The following TRMT10A variants were observed in gnomAD, a reference collection of about 807,000 sequenced individuals.
The protein encoded by TRMT10A is tRNA methyltransferase 10 homolog A.
A neutral mutation model predicts 40.4 loss-of-function variants in TRMT10A; 37 were observed. That is an observed-to-expected ratio of 0.92 (90% confidence interval 0.71 to 1.21). TRMT10A has a LOEUF of 1.21. Among genes scored for constraint, TRMT10A ranks in the 50% most tolerant of loss-of-function variants. TRMT10A has a pLI of 0.00. For missense variants in TRMT10A, 388 were observed against 404.3 expected (o/e 0.96, Z 0.35); for synonymous variants, 103 against 134.1 (o/e 0.77, Z 1.60).
chr4:99,557,979 T>C (rs1275788267), intron 3 of TRMT10A, 70 bp downstream of exon 3: 3 of 1,381,226 alleles, frequency 2.2e-6, no homozygotes, highest in African/African-American at 3.0e-5. Context: ...AAAAGGGATA[T>C]TGCATATTAA....
intron 7 of TRMT10A, among the ~76,000 whole-genome samples, chr4:99,549,980 G>A (rs949009490): frequency 3.9e-5 from 6 of 152,066 alleles, no homozygotes; most frequent in South Asian, 2.1e-4. Flanking sequence ...AGAAAGTAGC[G>A]CATAAAAAGT....
chr4:99,554,417 A>G (rs112576392), intron 5 of TRMT10A, among the ~76,000 whole-genome samples: 3,521 of 152,246 alleles, frequency 0.023, 106 homozygotes, highest in Middle Eastern at 0.1. Flanking sequence ...CTCCATCTAC[A>G]TGAATCATGA....
At chr4:99,555,427 C>T (rs1160287287) in intron 5 of TRMT10A, among the ~76,000 whole-genome samples, 2 of 152,266 alleles carry the variant, frequency 1.3e-5, no homozygotes, top group Non-Finnish European at 2.9e-5. Flanking sequence ...CAAGGCCAAT[C>T]TATTTAGTCA....
Position 99,549,279 on chromosome 4 carries a change from C to T in TRMT10A, c.829G>A (p.Gly277Arg), listed in dbSNP as rs781222669. Reference sequence around the variant, plus strand: ...CAGGCTTTGTCTGTGGGAACAGCTCCTTTCCGTTGGGGCAAGATAGTAAAA... The same window carrying T: ...CAGGCTTTGTCTGTGGGAACAGCTCTTTTCCGTTGGGGCAAGATAGTAAAA... ...AFFTILPQRK[G>R]AVPTDKACES... Residue 277 changes from glycine to arginine, a missense_variant, in exon 8 of 8, where the codon GGA becomes AGA. By Grantham distance (125) the Gly-to-Arg change is moderately radical (BLOSUM62 -2). Coordinates refer to ENST00000394876, the MANE Select transcript of TRMT10A (RefSeq NM_001134665.3). 1 of 1,614,144 alleles carries T rather than the reference C, an allele frequency of 6.2e-7. No individual in the cohort carries two copies. The highest frequency in any genetic ancestry group is 1.7e-5 in the Admixed American group (1 of 60,014).
Position 99,554,699 on chromosome 4 carries a change from T to C in TRMT10A, c.496-765A>G, listed in dbSNP as rs547186762. Among the ~76,000 whole-genome samples the C allele has an allele frequency of 1.8e-4, 22 of 122,652 alleles. No individual in the cohort carries two copies. The East Asian group carries it at 3.9e-3, about 22-fold the overall frequency. The allele number at this position is 122,652 out of a possible 152,430, so 80.5% of individuals were successfully genotyped here. On this transcript the variant is annotated intron_variant, in intron 5 of 7. Coordinates refer to ENST00000394876, the MANE Select transcript of TRMT10A (RefSeq NM_001134665.3). ...TTGCACCATTGCACTCCAGCCTGGGTGACAGTGCAAGCGACTACGTTTCAA... is the reference window on the plus strand; with the variant it reads ...TTGCACCATTGCACTCCAGCCTGGGCGACAGTGCAAGCGACTACGTTTCAA...
At chr4:99,563,507 C>A (rs577835319) in intron 1 of TRMT10A, 2 of 192,508 alleles carry the variant, frequency 1.0e-5, no homozygotes, top group East Asian at 1.5e-4. Context: ...CCATAACACG[C>A]TTTCCGGCCC....
Position 99,557,343 on chromosome 4 carries a change from AC to A in TRMT10A, c.420+1del. 1 of 1,612,512 alleles carries A rather than the reference AC, an allele frequency of 6.2e-7. No homozygotes were observed. Among genetic ancestry groups the A allele is most frequent in the East Asian group, 2.2e-5 (1 of 44,804 alleles). On this transcript the variant is annotated splice_donor_variant, in intron 4 of 7. Coordinates refer to ENST00000394876, the MANE Select transcript of TRMT10A (RefSeq NM_001134665.3). LOFTEE classifies it high-confidence loss of function. ...AGTCTGCTTTAAAATCTTTACACAT[AC>A]CTGCACAGGATGCAGTGCCCGTCGG... is the stretch of plus-strand genomic sequence containing the variant.
chr4:99,562,201 A>ATATATATATGTGTGTG (rs374134499), intron 1 of TRMT10A, among the ~76,000 whole-genome samples: 1 of 136,158 alleles, frequency 7.3e-6, no homozygotes, highest in African/African-American at 2.9e-5. Flanking sequence ...ATATATATAT[A>ATATATATATGTGTGTG]TGTGTGTGTG....
chr4:99,563,901 C>T lies in TRMT10A; in HGVS notation c.-24+12G>A, dbSNP rs1173565435. On this transcript the variant is annotated intron_variant, in intron 1 of 7. Coordinates refer to ENST00000394876, the MANE Select transcript of TRMT10A (RefSeq NM_001134665.3). Reference sequence around the variant, plus strand: ...AGTGCGGGGGAGCGCCAACCAGTGCCAGGACACTTACCGAGCTGAAGAGTT... The same window carrying T: ...AGTGCGGGGGAGCGCCAACCAGTGCTAGGACACTTACCGAGCTGAAGAGTT... The T allele has an allele frequency of 1.3e-6, 1 of 743,346 alleles. No individual in the cohort carries two copies. Among genetic ancestry groups the T allele is most frequent in the Admixed American group, 2.0e-5 (1 of 49,952 alleles). The allele number at this position is 743,346 out of a possible 1,614,324, so 46.0% of individuals were successfully genotyped here.
intron 6 of TRMT10A, among the ~76,000 whole-genome samples, chr4:99,551,325 C>T (rs1360966629): frequency 6.6e-6 from 1 of 152,146 alleles, no homozygotes; most frequent in Non-Finnish European, 1.5e-5. Flanking sequence ...ATATCTTTTC[C>T]CCATTCTACC....
intron 7 of TRMT10A, among the ~76,000 whole-genome samples, chr4:99,549,980 G>T (rs949009490): frequency 6.6e-6 from 1 of 152,066 alleles, no homozygotes; most frequent in African/African-American, 2.4e-5. Flanking sequence ...AGAAAGTAGC[G>T]CATAAAAAGT....
intron 1 of TRMT10A, among the ~76,000 whole-genome samples, chr4:99,560,585 T>A (rs1180984841): frequency 3.3e-5 from 5 of 152,000 alleles, no homozygotes; most frequent in South Asian, 2.1e-4. Context: ...ATTAATTTTT[T>A]TAAAAAAAAT....
intron 1 of TRMT10A, among the ~76,000 whole-genome samples, chr4:99,560,865 T>G (rs193223926): frequency 6.6e-6 from 1 of 152,058 alleles, no homozygotes; most frequent in East Asian, 1.9e-4. Context: ...TCCAAGAGAG[T>G]ACATTTCTGT....
rs963335035 is a variant in TRMT10A, at chr4:99,553,886, CTT to C, written c.542_543del (p.Glu181GlyfsTer11). 5 of 1,613,300 alleles carry C rather than the reference CTT, an allele frequency of 3.1e-6. No homozygotes were observed. In the African/African-American group the frequency reaches 5.3e-5, roughly 17 times the overall value. On this transcript the variant is annotated frameshift_variant, in exon 6 of 8. Transcript: ENST00000394876. LOFTEE classifies it high-confidence loss of function. ...PEHYSELIKK[E>X]DLIYLTSDSP... ...GAATCTGACGTAAGGTAAATCAGGT[CTT>C]CTTTCTTTATGAGTTCACTATAGTG...
intron 5 of TRMT10A, among the ~76,000 whole-genome samples, chr4:99,554,722 CAAAAAAA>C (rs532448105): frequency 9.9e-5 from 9 of 90,874 alleles, no homozygotes; most frequent in East Asian, 2.9e-4. Context: ...GACTACGTTT[CAAAAAAA>C]AAAAAAAAAA....
intron 1 of TRMT10A, among the ~76,000 whole-genome samples, chr4:99,563,078 C>T (rs544216793): frequency 2.0e-5 from 3 of 152,336 alleles, no homozygotes; most frequent in South Asian, 4.1e-4. Context: ...GCCTTGCCCT[C>T]CCGAAGTGCG....
Position 99,548,796 on chromosome 4 carries a change from AAG to A in TRMT10A, c.*290_*291del, listed in dbSNP as rs778166430. On this transcript the variant is annotated 3_prime_UTR_variant, in exon 8 of 8. Transcript: ENST00000394876. The stretch of plus-strand genomic sequence containing the variant: ...GCACATTCTAAAGAATATAAAATGA[AAG>A]AAAATGAAAATATACTAATACAGTA... 12 of 230,640 alleles carry A rather than the reference AAG, an allele frequency of 5.2e-5. No individual in the cohort carries two copies. Among genetic ancestry groups the A allele is most frequent in the Non-Finnish European group, 9.1e-5 (11 of 120,452 alleles). 14.3% of individuals were successfully genotyped at this position (230,640 alleles called of 1,614,324 possible).
rs1057012348 is a variant in TRMT10A at position 99,547,485 on chromosome 4, T to C, written c.*1603A>G. 3 of 152,156 alleles carry C rather than the reference T, an allele frequency of 2.0e-5. No homozygotes were observed. The highest frequency in any genetic ancestry group is 1.3e-4 in the Admixed American group (2 of 15,272). The allele number at this position is 152,156 out of a possible 1,614,324, so 9.4% of individuals were successfully genotyped here. A position where few individuals can be genotyped will look rare whatever the true frequency, so the allele number is the denominator to read the frequency against. On this transcript the variant is annotated 3_prime_UTR_variant, in exon 8 of 8. Transcript: ENST00000394876. The stretch of plus-strand genomic sequence containing the variant: ...ATTTGGAATGATTTTCCCCCTTTCA[T>C]AATTAAACAGTGCCCTATTTTACAT...
chr4:99,563,851 C>G (rs1188583479), intron 1 of TRMT10A, 62 bp downstream of exon 1: 2 of 675,912 alleles, frequency 3.0e-6, no homozygotes, highest in African/African-American at 1.8e-5. Flanking sequence ...ATGGCACGCG[C>G]CCCTTTGCGT....
Sources: gnomAD v4.1 joint callset for allele counts (sites outside exome capture counted in the v4.1 genomes callset) on GRCh38, gnomAD v4.1.1 for gene constraint, MANE v1.5 for transcripts, NCBI Gene and HGNC (gene_info 2026-07-23, HGNC 2026-07-21) for gene names.